PDCD6IP: variants seen among roughly 807,000 people sequenced by gnomAD.
PDCD6IP encodes the protein programmed cell death 6 interacting protein.
A neutral mutation model predicts 103.7 loss-of-function variants in PDCD6IP; 43 were observed. The ratio of observed to expected loss-of-function variants is 0.41; its 90% CI spans 0.32 to 0.53. The LOEUF (loss-of-function observed/expected upper bound fraction) is 0.53. PDCD6IP is among the 20% of genes least tolerant of loss of function. The probability of loss-of-function intolerance (pLI) is 0.16; values close to 1 mark genes in which losing one functional copy is unlikely to be tolerated. For missense variants in PDCD6IP, 871 were observed against 1,036.7 expected, an observed-to-expected ratio of 0.84 and a Z score of 2.20; for synonymous variants, 354 against 378.7, an observed-to-expected ratio of 0.93 and a Z score of 0.76.
Position 33,822,032 on chromosome 3 carries a change from C to A in PDCD6IP, c.412C>A (p.Gln138Lys). ...AALASQIAAE[Q>K]NLDNDEGLKI... ...CTTAGCTAGCCAAATTGCAGCAGAA[C>A]AGAACCTGGATAATGATGAAGGATT... Residue 138 changes from glutamine to lysine, a missense_variant, in exon 4 of 18, where the codon CAG (glutamine) becomes AAG (lysine). Physicochemically the swap from Gln to Lys is moderately conservative, Grantham distance 53 (BLOSUM62 1). Transcript: ENST00000307296. 1 of 1,614,082 alleles carries A rather than the reference C, an allele frequency of 6.2e-7. No homozygotes were observed. Among genetic ancestry groups the A allele is most frequent in the Non-Finnish European group, 8.5e-7 (1 of 1,179,962 alleles).
intron 1 of PDCD6IP, among the ~76,000 whole-genome samples, chr3:33,803,690 T>G (rs967607753): frequency 6.6e-6 from 1 of 152,124 alleles, no homozygotes; most frequent in African/African-American, 2.4e-5. Context: ...TGTGCATGTG[T>G]TATGTGTGAT....
At chr3:33,838,144 A>T in intron 8 of PDCD6IP, 60 bp from the exon 9 acceptor site, 1 of 1,451,086 alleles carries the variant, frequency 6.9e-7, no homozygotes, top group Non-Finnish European at 9.6e-7. Flanking sequence ...ATAAACAGTC[A>T]CTTTTACAGT....
rs867354805 is a variant in PDCD6IP at position 33,853,157 on chromosome 3, T to C, written c.1890+421T>C. On this transcript the variant is annotated intron_variant, in intron 13 of 17. Transcript: ENST00000307296. ...CCAGGATGGTCTCGATCTCCTGACC[T>C]CGTGATCCTCCTGCCTTGGCCTCCC... Among the ~76,000 whole-genome samples, 44 of 152,144 alleles carry C rather than the reference T, an allele frequency of 2.9e-4. 1 individual carries two copies. The highest frequency in any genetic ancestry group is 6.3e-3 in the Middle Eastern group (2 of 316).
Position 33,867,164 on chromosome 3 carries a change from G to T in PDCD6IP, c.*639G>T, listed in dbSNP as rs1221371679. 4 of 152,096 alleles carry T rather than the reference G, an allele frequency of 2.6e-5. No homozygotes were observed. The highest frequency in any genetic ancestry group is 6.5e-5 in the Admixed American group (1 of 15,272). The allele number at this position is 152,096 out of a possible 1,614,324, so 9.4% of individuals were successfully genotyped here. A position where few individuals can be genotyped will look rare whatever the true frequency, so the allele number is the denominator to read the frequency against. On this transcript the variant is annotated 3_prime_UTR_variant, in exon 18 of 18. Transcript: ENST00000307296. Reference sequence around the variant, plus strand: ...AGGATGTTTTACAGGGAAATCAAAAGAATATTATCATACTTTATCTTTCGT... The same window carrying T: ...AGGATGTTTTACAGGGAAATCAAAATAATATTATCATACTTTATCTTTCGT...
intron 5 of PDCD6IP, among the ~76,000 whole-genome samples, chr3:33,825,895 T>C (rs1697111900): frequency 6.6e-6 from 1 of 152,198 alleles, no homozygotes; most frequent in Non-Finnish European, 1.5e-5. Flanking sequence ...TCAAGAAGGC[T>C]TTCTTTCAGG....
chr3:33,861,014 C>A (rs1389276017), intron 15 of PDCD6IP, among the ~76,000 whole-genome samples: 2 of 145,080 alleles, frequency 1.4e-5, no homozygotes, highest in South Asian at 2.2e-4. Flanking sequence ...AAAAAAAAAA[C>A]AGGTGAAATT....
At chr3:33,853,193 G>T (rs1697758714) in intron 13 of PDCD6IP, among the ~76,000 whole-genome samples, 1 of 152,106 alleles carries the variant, frequency 6.6e-6, no homozygotes, top group South Asian at 2.1e-4. Flanking sequence ...AAAGTGCTGG[G>T]ATTACAGACG....
At chr3:33,827,042 T>C in intron 6 of PDCD6IP, 14 of 985,302 alleles carry the variant, frequency 1.4e-5, no homozygotes, top group Non-Finnish European at 1.6e-5. Flanking sequence ...TCTGATACTT[T>C]GATTAGAATT....
Position 33,865,390 on chromosome 3 carries a change from G to T in PDCD6IP, c.2392G>T (p.Ala798Ser). 6.3e-7 allele frequency: 1 copy of T among 1,599,808 alleles called. No individual in the cohort carries two copies. Among genetic ancestry groups the T allele is most frequent in the East Asian group, 2.3e-5 (1 of 43,202 alleles). ...QTPGSAPPPQAQGPPYPTYPG... is the reference protein window; with the variant it reads ...QTPGSAPPPQSQGPPYPTYPG... ...GCCTGGCTCAGCTCCTCCTCCACAG[G>T]CGCAGGGACCACCCTATCCCACCTA... Residue 798 changes from alanine to serine, a missense_variant, in exon 17 of 18, where the codon GCG becomes TCG. This residue lies in a region of PDCD6IP where 202 missense variants were observed against 205.2 expected (regional missense o/e 0.98). Transcript: ENST00000307296.
chr3:33,865,109 G>A, intron 16 of PDCD6IP, 134 bp from the exon 17 acceptor site: 1 of 585,836 alleles, frequency 1.7e-6, no homozygotes, highest in South Asian at 3.2e-5. Context: ...TAATAAGCCG[G>A]TATTTAAGAA....
Position 33,812,061 on chromosome 3 carries a change from C to T in PDCD6IP, c.210-11C>T, listed in dbSNP as rs1211144210. ...AGCTCTGGTAATTATTAATTCTGCT[C>T]TATTTTTTAGATATTATGATCAGAT... On this transcript the variant is annotated splice_polypyrimidine_tract_variant and intron_variant, in intron 1 of 17. Transcript: ENST00000307296. 1.3e-6 allele frequency: 2 copies of T among 1,585,706 alleles called. No homozygotes were observed. The highest frequency in any genetic ancestry group is 1.7e-6 in the Non-Finnish European group (2 of 1,168,360).
At chr3:33,818,435 C>G (rs1009089805) in intron 3 of PDCD6IP, among the ~76,000 whole-genome samples, 18 of 150,530 alleles carry the variant, frequency 1.2e-4, no homozygotes, top group African/African-American at 4.4e-4. Flanking sequence ...CTTGCTCTCT[C>G]CTGCCACACT....
intron 1 of PDCD6IP, 139 bp downstream of exon 1, chr3:33,799,076 C>G: frequency 1.2e-6 from 1 of 830,290 alleles, no homozygotes; most frequent in East Asian, 2.7e-5. Flanking sequence ...TAGGTGTGGT[C>G]TGCATTCTTT....
At chr3:33,835,977 G>C (rs986518574) in intron 7 of PDCD6IP, 67 bp from the exon 8 acceptor site, 13 of 900,632 alleles carry the variant, frequency 1.4e-5, no homozygotes, top group Admixed American at 4.5e-5. Flanking sequence ...TTAAATACTT[G>C]GTGGGGAAAG....
intron 4 of PDCD6IP, 33 bp downstream of exon 4, chr3:33,822,115 C>T: frequency 6.2e-7 from 1 of 1,604,648 alleles, no homozygotes; most frequent in Admixed American, 1.7e-5. Context: ...CAATAATGGT[C>T]AACACTAAAT....
chr3:33,854,761 C>T (rs1697791685), intron 14 of PDCD6IP: 1 of 152,906 alleles, frequency 6.5e-6, no homozygotes, highest in Non-Finnish European at 1.5e-5. Flanking sequence ...CTGAGAAAAC[C>T]CTCCAGAGAG....
intron 7 of PDCD6IP, among the ~76,000 whole-genome samples, chr3:33,833,335 C>T (rs896038310): frequency 6.6e-6 from 1 of 151,988 alleles, no homozygotes; most frequent in African/African-American, 2.4e-5. Context: ...ACAAAGTCCT[C>T]ACTTTGCATT....
chr3:33,855,125 A>T (rs1219689758), intron 14 of PDCD6IP, 41 bp from the exon 15 acceptor site: 1 of 1,269,440 alleles, frequency 7.9e-7, no homozygotes, highest in Admixed American at 1.7e-5. Flanking sequence ...GGATTAAAAA[A>T]TTGTTCTTGT....
intron 15 of PDCD6IP, among the ~76,000 whole-genome samples, chr3:33,857,536 G>C (rs1178566373): frequency 6.6e-6 from 1 of 152,168 alleles, no homozygotes; most frequent in African/African-American, 2.4e-5. Flanking sequence ...CTACAGACCA[G>C]TTTCAGTTAT....
Sources: allele counts gnomAD v4.1 joint callset (sites outside exome capture counted in the v4.1 genomes callset), GRCh38; gene constraint gnomAD v4.1.1; regional missense constraint gnomAD v4.1.1; transcripts MANE v1.5; gene names NCBI Gene and HGNC (gene_info 2026-07-23, HGNC 2026-07-21).